Variants in IFT25 observed in about 807,000 individuals in gnomAD.
The protein encoded by IFT25 is intraflagellar transport protein 25 homolog.
At chr1:53,935,743 G>A in the IFT25 span, among the ~76,000 whole-genome samples, 1 of 151,890 alleles carries the variant, frequency 6.6e-6, no homozygotes, top group African/African-American at 2.4e-5. Context: ...AAAGTGCTGG[G>A]ATTATAGGTG....
chr1:53,931,937 T>C, the IFT25 span, among the ~76,000 whole-genome samples: 1 of 152,236 alleles, frequency 6.6e-6, no homozygotes, highest in Non-Finnish European at 1.5e-5. Context: ...ATTTAGATTA[T>C]TGGTTTTACA....
At chr1:53,925,339 T>C in the IFT25 span, among the ~76,000 whole-genome samples, 1 of 152,160 alleles carries the variant, frequency 6.6e-6, no homozygotes, top group African/African-American at 2.4e-5. Context: ...AACTTTTTCA[T>C]TTGCTTAGTT....
the IFT25 span, chr1:53,939,616 T>C: frequency 2.3e-5 from 5 of 221,790 alleles, no homozygotes; most frequent in Non-Finnish European, 3.5e-5. Flanking sequence ...AGTAAGGAAA[T>C]AGGTAGTAAA....
the IFT25 span, among the ~76,000 whole-genome samples, chr1:53,913,212 T>C: frequency 6.6e-6 from 1 of 152,236 alleles, no homozygotes; most frequent in Non-Finnish European, 1.5e-5. Context: ...GGTGGGGCAG[T>C]CTACTTCTCC....
the IFT25 span, among the ~76,000 whole-genome samples, chr1:53,931,576 A>G: frequency 6.6e-6 from 1 of 152,192 alleles, no homozygotes; most frequent in Non-Finnish European, 1.5e-5. Context: ...AGAATTTCCA[A>G]TTGATCTTGT....
chr1:53,924,293 C>T, the IFT25 span, among the ~76,000 whole-genome samples: 1 of 151,822 alleles, frequency 6.6e-6, no homozygotes, highest in Non-Finnish European at 1.5e-5. Flanking sequence ...AAAAAGTGAA[C>T]ATTTGAGGAT....
At chr1:53,931,577 T>A in the IFT25 span, among the ~76,000 whole-genome samples, 1 of 152,240 alleles carries the variant, frequency 6.6e-6, no homozygotes, top group East Asian at 1.9e-4. Flanking sequence ...GAATTTCCAA[T>A]TGATCTTGTG....
At chr1:53,940,371 A>T in the IFT25 span, among the ~76,000 whole-genome samples, 2 of 152,220 alleles carry the variant, frequency 1.3e-5, no homozygotes, top group South Asian at 4.1e-4. Flanking sequence ...TACAGGAAGA[A>T]GGTCAACCGA....
the IFT25 span, chr1:53,923,675 AT>A: frequency 2.5e-6 from 1 of 393,910 alleles, no homozygotes; most frequent in Non-Finnish European, 4.5e-6. Context: ...AAAACAAAAA[AT>A]AAATGAATTG....
the IFT25 span, among the ~76,000 whole-genome samples, chr1:53,943,645 C>G: frequency 6.6e-6 from 1 of 151,552 alleles, no homozygotes; most frequent in Non-Finnish European, 1.5e-5. Flanking sequence ...TTTTTTGAGG[C>G]AAGGTCTGGG....
chr1:53,939,390 CAA>C, the IFT25 span, among the ~76,000 whole-genome samples: 25 of 62,996 alleles, frequency 4.0e-4, no homozygotes, highest in Admixed American at 3.7e-4. Flanking sequence ...GACTCTGTCT[CAA>C]AAAAAAAAAA....
chr1:53,935,373 CAAAGTAGATT>C, the IFT25 span, among the ~76,000 whole-genome samples: 1 of 152,120 alleles, frequency 6.6e-6, no homozygotes, highest in Non-Finnish European at 1.5e-5. Context: ...TCTACAGAAA[CAAAGTAGATT>C]AATGCTTGCC....
the IFT25 span, chr1:53,921,871 T>C: frequency 5.6e-6 from 4 of 713,694 alleles, no homozygotes; most frequent in East Asian, 1.0e-4. Flanking sequence ...ATATTCTAAA[T>C]ATATAACAAC....
the IFT25 span, among the ~76,000 whole-genome samples, chr1:53,932,569 A>G: frequency 5.9e-5 from 9 of 152,338 alleles, no homozygotes; most frequent in South Asian, 2.1e-4. Context: ...AATGTTCAAT[A>G]TGCTGGGTTT....
At chr1:53,916,709 T>C in the IFT25 span, 1 of 338,018 alleles carries the variant, frequency 3.0e-6, no homozygotes. Context: ...AGTTTTAGTT[T>C]CACTTTTTGC....
At chr1:53,944,320 A>C in the IFT25 span, among the ~76,000 whole-genome samples, 1 of 152,304 alleles carries the variant, frequency 6.6e-6, no homozygotes, top group Middle Eastern at 3.4e-3. Context: ...CCTGGGCAAC[A>C]TGGTGAAACC....
chr1:53,934,785 G>A, the IFT25 span, among the ~76,000 whole-genome samples: 1 of 152,144 alleles, frequency 6.6e-6, no homozygotes, highest in African/African-American at 2.4e-5. Flanking sequence ...GGTTGCTTGA[G>A]GTCAGGAGTT....
At chr1:53,927,412 T>C in the IFT25 span, among the ~76,000 whole-genome samples, 1 of 152,320 alleles carries the variant, frequency 6.6e-6, no homozygotes, top group Non-Finnish European at 1.5e-5. Flanking sequence ...AGGAGGCTGG[T>C]GTTCCCACTA....
At chr1:53,933,755 C>A in the IFT25 span, among the ~76,000 whole-genome samples, 1 of 152,126 alleles carries the variant, frequency 6.6e-6, no homozygotes, top group Non-Finnish European at 1.5e-5. Context: ...AGTCTACCAT[C>A]CTGCTATTCA....
Sources: allele counts gnomAD v4.1 joint callset (sites outside exome capture counted in the v4.1 genomes callset), GRCh38; gene constraint gnomAD v4.1.1; transcripts MANE v1.5; gene names NCBI Gene and HGNC (gene_info 2026-07-23, HGNC 2026-07-21).